NAV3: variants seen among roughly 807,000 people sequenced by gnomAD.
NAV3 encodes pore membrane and/or filament interacting like protein 1.
NAV3 carries 87 observed loss-of-function variants against 244.7 expected under a neutral mutation model. That is an observed-to-expected ratio of 0.36 (90% CI 0.30 to 0.42). The LOEUF is 0.42. NAV3 is among the 20% of genes least tolerant of loss of function. NAV3 has a pLI of 1.00. For missense variants in NAV3, 2,663 were observed against 2,893.3 expected (o/e 0.92, Z 1.83); for synonymous variants, 1,126 against 1,042.2 (o/e 1.08, Z -1.55).
intron 12 of NAV3, among the ~76,000 whole-genome samples, chr12:78,079,210 C>G (rs1441837942): frequency 6.6e-6 from 1 of 151,952 alleles, no homozygotes; most frequent in African/African-American, 2.4e-5. Context: ...TGGGCTAGCA[C>G]AAGAATTCTA....
At chr12:78,150,547 A>G (rs1013439430) in intron 22 of NAV3, among the ~76,000 whole-genome samples, 1 of 149,710 alleles carries the variant, frequency 6.7e-6, no homozygotes, top group Non-Finnish European at 1.5e-5. Flanking sequence ...ACTCATGATT[A>G]TTGGTTTCTT....
At chr12:78,202,674 G>GT (rs1156943096) in intron 38 of NAV3, among the ~76,000 whole-genome samples, 3 of 152,050 alleles carry the variant, frequency 2.0e-5, no homozygotes, top group Non-Finnish European at 2.9e-5. Flanking sequence ...TTAGAAGTAG[G>GT]TTAGTGTGAA....
chr12:78,098,009 C>T (rs1027559652), intron 12 of NAV3, among the ~76,000 whole-genome samples: 1 of 152,174 alleles, frequency 6.6e-6, no homozygotes, highest in Admixed American at 6.5e-5. Context: ...ACGCCTATAA[C>T]TAAATTCTCA....
intron 12 of NAV3, among the ~76,000 whole-genome samples, chr12:78,116,308 A>G (rs1955375784): frequency 6.6e-6 from 1 of 152,182 alleles, no homozygotes; most frequent in Non-Finnish European, 1.5e-5. Context: ...AGACTCTGTG[A>G]ATGATTGAAT....
At chr12:77,878,334 T>C (rs1882131671) in intron 1 of NAV3, among the ~76,000 whole-genome samples, 1 of 152,152 alleles carries the variant, frequency 6.6e-6, no homozygotes, top group Admixed American at 6.5e-5. Context: ...CAAGCAATTT[T>C]ACAGCCTCAG....
intron 2 of NAV3, among the ~76,000 whole-genome samples, chr12:77,687,368 G>A (rs1874804082): frequency 6.6e-6 from 1 of 151,966 alleles, no homozygotes; most frequent in South Asian, 2.1e-4. Flanking sequence ...GGTGGTAGGA[G>A]GGCATAAGAA....
chr12:77,686,678 G>A (rs182214729), intron 2 of NAV3, among the ~76,000 whole-genome samples: 1 of 152,028 alleles, frequency 6.6e-6, no homozygotes, highest in African/African-American at 2.4e-5. Context: ...AGGGAACTGA[G>A]CACAAATGGC....
chr12:77,683,727 T>G (rs1874579280), intron 2 of NAV3, among the ~76,000 whole-genome samples: 1 of 152,166 alleles, frequency 6.6e-6, no homozygotes, highest in African/African-American at 2.4e-5. Flanking sequence ...CTTAGTCTGC[T>G]AAGCATAATG....
intron 5 of NAV3, among the ~76,000 whole-genome samples, chr12:77,985,968 T>A (rs1386263525): frequency 6.6e-6 from 1 of 152,210 alleles, no homozygotes; most frequent in African/African-American, 2.4e-5. Context: ...AAATTAAATT[T>A]TTTTGGTAGT....
intron 2 of NAV3, among the ~76,000 whole-genome samples, chr12:77,824,167 G>A (rs562673132): frequency 4.6e-5 from 7 of 151,834 alleles, no homozygotes; most frequent in East Asian, 1.9e-4. Flanking sequence ...TCCGCCTCTC[G>A]GGTTCAAGTG....
intron 38 of NAV3, among the ~76,000 whole-genome samples, chr12:78,200,811 A>G (rs903539384): frequency 3.3e-5 from 5 of 152,180 alleles, no homozygotes; most frequent in African/African-American, 1.2e-4. Flanking sequence ...TATTTCAACA[A>G]CTATACATTT....
intron 2 of NAV3, among the ~76,000 whole-genome samples, chr12:77,594,127 C>T (rs535732828): frequency 3.3e-5 from 5 of 152,206 alleles, no homozygotes; most frequent in African/African-American, 1.2e-4. Context: ...TAATAAATTT[C>T]ACATCTTTTA....
At chr12:77,798,331 A>G (rs1871533128) in intron 2 of NAV3, among the ~76,000 whole-genome samples, 1 of 152,220 alleles carries the variant, frequency 6.6e-6, no homozygotes, top group Non-Finnish European at 1.5e-5. Flanking sequence ...AAGCATTTCC[A>G]CTAATATTTT....
At chr12:77,598,304 A>G (rs955699845) in intron 2 of NAV3, among the ~76,000 whole-genome samples, 2 of 152,042 alleles carry the variant, frequency 1.3e-5, no homozygotes, top group African/African-American at 4.8e-5. Context: ...ATGTATCCCA[A>G]TCTATTGACC....
rs1373440160 is a variant in NAV3 at position 78,142,548 on chromosome 12, AT to A, written c.4683+2217del. On this transcript the variant is annotated intron_variant, in intron 20 of 39. Coordinates refer to ENST00000397909, the MANE Select transcript of NAV3 (RefSeq NM_001024383.2). Reference sequence around the variant, plus strand: ...AGTTTATAGAGAACACAAGGGGTACATTTGTAGATAGGAGTGGGATGTCAAA... The same window carrying A: ...AGTTTATAGAGAACACAAGGGGTACATTGTAGATAGGAGTGGGATGTCAAA... Among the ~76,000 whole-genome samples, 3 of 151,674 alleles carry A rather than the reference AT, an allele frequency of 2.0e-5. No individual in the cohort carries two copies. In the East Asian group the frequency reaches 5.9e-4, roughly 30 times the overall value.
At position 78,190,066 on chromosome 12, in the gene NAV3, G is replaced by A; in HGVS notation, c.6138G>A (p.Leu2046=). The A allele has an allele frequency of 6.2e-7, 1 of 1,613,120 alleles. No homozygotes were observed. The highest frequency in any genetic ancestry group is 8.5e-7 in the Non-Finnish European group (1 of 1,179,464). Residue 2046 remains leucine (L), a synonymous_variant, in exon 34 of 40, where the codon TTG becomes TTA. Coordinates refer to ENST00000397909, the MANE Select transcript of NAV3 (RefSeq NM_001024383.2). ...KPITQRYFNL[L]MEHHRIILSG... Reference sequence around the variant, plus strand: ...TTACCCAAAGGTACTTTAACTTGTTGATGGAGCATCACAGAATTATACTCT... The same window carrying A: ...TTACCCAAAGGTACTTTAACTTGTTAATGGAGCATCACAGAATTATACTCT...
At chr12:78,025,658 A>G (rs1409024889) in intron 9 of NAV3, among the ~76,000 whole-genome samples, 1 of 149,942 alleles carries the variant, frequency 6.7e-6, no homozygotes, top group Non-Finnish European at 1.5e-5. Context: ...GTGGGGCCTC[A>G]TGGGAGGTGT....
At chr12:77,647,404 T>A (rs571044039) in intron 2 of NAV3, among the ~76,000 whole-genome samples, 16 of 152,022 alleles carry the variant, frequency 1.1e-4, no homozygotes, top group Non-Finnish European at 1.9e-4. Context: ...AAGTAATTCA[T>A]CTTCTGAAAC....
chr12:77,704,371 T>C (rs1875696939), intron 2 of NAV3, among the ~76,000 whole-genome samples: 1 of 151,496 alleles, frequency 6.6e-6, no homozygotes, highest in African/African-American at 2.4e-5. Context: ...TTTTAAGATA[T>C]TATTAACAGA....
Sources: gnomAD v4.1 joint callset for allele counts (sites outside exome capture counted in the v4.1 genomes callset) on GRCh38, gnomAD v4.1.1 for gene constraint, MANE v1.5 for transcripts, NCBI Gene and HGNC (gene_info 2026-07-23, HGNC 2026-07-21) for gene names.